The following TRMT11 variants were observed in gnomAD, a reference collection of about 807,000 sequenced individuals.
The protein encoded by TRMT11 is tRNA methyltransferase 11, also known as tRNA (guanine(10)-N(2))-methyltransferase TRMT11.
A neutral mutation model predicts 62.8 loss-of-function variants in TRMT11; 53 were observed. The ratio of observed to expected loss-of-function variants is 0.84; its 90% confidence interval spans 0.68 to 1.06. The LOEUF (loss-of-function observed/expected upper bound fraction) is 1.06, where lower values mean the gene tolerates loss of function less well. Among genes scored for constraint, TRMT11 ranks in the 50% least tolerant of loss-of-function variants. The pLI is 0.00. For synonymous variants in TRMT11, 188 were observed against 190.3 expected, an observed-to-expected ratio of 0.99 and a Z score of 0.10; for missense variants, 556 against 553.4, an observed-to-expected ratio of 1.00 and a Z score of -0.05.
intron 17 of TRMT11, among the ~76,000 whole-genome samples, chr6:126,103,110 G>A (rs932985419): frequency 2.0e-5 from 3 of 152,140 alleles, no homozygotes; most frequent in Non-Finnish European, 2.9e-5. Context: ...GACTTCCATC[G>A]TAAACTCTTC....
chr6:126,112,904 A>G (rs561263642), exon 18 of TRMT11, among the ~76,000 whole-genome samples: 2 of 152,008 alleles, frequency 1.3e-5, no homozygotes, highest in Non-Finnish European at 2.9e-5. Flanking sequence ...GTTTATCCCA[A>G]TGTCTTCTGG....
rs933507254 is a variant in TRMT11, at chr6:125,998,689, G to A, written c.522+5G>A. The stretch of plus-strand genomic sequence containing the variant: ...AATATTTATTTTGGTAGATGGGTGA[G>A]CAAGTTTTCTTTCTACCTATGTCAG... On this transcript the variant is annotated splice_donor_5th_base_variant and intron_variant, in intron 6 of 12. Coordinates refer to ENST00000334379, the MANE Select transcript of TRMT11 (RefSeq NM_001031712.3). The A allele has an allele frequency of 1.1e-5, 17 of 1,608,792 alleles. No individual in the cohort carries two copies. In the East Asian group the frequency reaches 3.8e-4, roughly 36 times the overall value.
intron 11 of TRMT11, among the ~76,000 whole-genome samples, chr6:126,020,520 C>A (rs945750742): frequency 6.6e-6 from 1 of 152,212 alleles, no homozygotes; most frequent in African/African-American, 2.4e-5. Flanking sequence ...CAGTAGCAGT[C>A]TCCACCACTC....
chr6:126,208,933 A>T, the TRMT11 span, among the ~76,000 whole-genome samples: 7 of 152,372 alleles, frequency 4.6e-5, no homozygotes, highest in East Asian at 1.3e-3. Context: ...AAGTGTTTGA[A>T]CAGAAATGGA....
intron 17 of TRMT11, among the ~76,000 whole-genome samples, chr6:126,100,469 C>A (rs1205473341): frequency 6.6e-6 from 1 of 152,162 alleles, no homozygotes; most frequent in East Asian, 1.9e-4. Flanking sequence ...AGGAGTCTTT[C>A]TTGTTGCATG....
At chr6:126,049,309 A>G (rs540528121) in intron 16 of TRMT11, among the ~76,000 whole-genome samples, 98 of 152,352 alleles carry the variant, frequency 6.4e-4, no homozygotes, top group Non-Finnish European at 1.3e-3. Flanking sequence ...TTCCAAAACC[A>G]GCACCTGAGA....
intron 1 of TRMT11, among the ~76,000 whole-genome samples, chr6:126,187,601 A>C (rs1778541477): frequency 6.6e-6 from 1 of 152,034 alleles, no homozygotes; most frequent in Non-Finnish European, 1.5e-5. Context: ...AAATTCTAAA[A>C]CTTCTGAAGA....
chr6:126,058,483 G>T (rs1206115632), intron 17 of TRMT11, among the ~76,000 whole-genome samples: 2 of 152,110 alleles, frequency 1.3e-5, no homozygotes, highest in Admixed American at 6.6e-5. Context: ...TAATGGGATG[G>T]CTGGGTCAAA....
At chr6:126,217,554 A>G in the TRMT11 span, among the ~76,000 whole-genome samples, 1 of 152,176 alleles carries the variant, frequency 6.6e-6, no homozygotes, top group Non-Finnish European at 1.5e-5. Context: ...ATTACCAGGC[A>G]GAAACTCTTG....
chr6:125,998,538 T>C lies in TRMT11; in HGVS notation c.388-12T>C, dbSNP rs1253127213. ...TATTATAAGACATCAGCATTTCTTT[T>C]GTTTCTTTTAGGCACTTGAATTTCT... On this transcript the variant is annotated splice_polypyrimidine_tract_variant and intron_variant, in intron 5 of 12. Coordinates refer to ENST00000334379, the MANE Select transcript of TRMT11 (RefSeq NM_001031712.3). 1 of 1,605,726 alleles carries C rather than the reference T, an allele frequency of 6.2e-7. No individual in the cohort carries two copies. The highest frequency in any genetic ancestry group is 1.3e-5 in the African/African-American group (1 of 74,140).
chr6:125,986,749 C>A, intron 1 of TRMT11, 127 bp downstream of exon 1: 1 of 873,054 alleles, frequency 1.1e-6, no homozygotes, highest in Non-Finnish European at 1.7e-6. Flanking sequence ...CTGCGCGGGT[C>A]ACGCGTCCCC....
chr6:126,001,626 C>T (rs550008779), intron 7 of TRMT11, among the ~76,000 whole-genome samples: 1 of 151,712 alleles, frequency 6.6e-6, no homozygotes, highest in Non-Finnish European at 1.5e-5. Context: ...TATTTTTTTT[C>T]TTGCTATTAA....
At chr6:126,194,315 A>G (rs1480563264) in intron 1 of TRMT11, among the ~76,000 whole-genome samples, 4 of 152,030 alleles carry the variant, frequency 2.6e-5, no homozygotes, top group Non-Finnish European at 5.9e-5. Flanking sequence ...TATGTGCTTT[A>G]TATGTTTGAG....
intron 21 of TRMT11, among the ~76,000 whole-genome samples, chr6:126,147,821 A>T (rs1007501334): frequency 1.9e-4 from 28 of 147,484 alleles, no homozygotes; most frequent in African/African-American, 6.9e-4. Flanking sequence ...GAAGGCATTT[A>T]AAAAAAAAAG....
intron 17 of TRMT11, among the ~76,000 whole-genome samples, chr6:126,111,269 C>G (rs1209712086): frequency 6.6e-6 from 1 of 152,032 alleles, no homozygotes; most frequent in South Asian, 2.1e-4. Context: ...ACCAATGCAA[C>G]AAATAATCAA....
At chr6:126,078,807 T>C (rs1212092820) in intron 17 of TRMT11, among the ~76,000 whole-genome samples, 1 of 152,186 alleles carries the variant, frequency 6.6e-6, no homozygotes, top group Non-Finnish European at 1.5e-5. Flanking sequence ...CAGTGTATGA[T>C]GGCCACGTCA....
chr6:126,035,463 G>A (rs570113449), intron 12 of TRMT11, among the ~76,000 whole-genome samples: 12 of 152,034 alleles, frequency 7.9e-5, no homozygotes, highest in Non-Finnish European at 1.5e-4. Flanking sequence ...TCTAGAAAGG[G>A]GACATTTTAG....
In TRMT11 at chr6:125,998,245, C is replaced by G; in HGVS notation, c.317C>G (p.Ser106Cys). Residue 106 changes from serine (S) to cysteine (C), a missense_variant, in exon 5 of 13, where the codon TCT (serine) becomes TGT (cysteine). Ser to Cys is a moderately radical substitution (Grantham distance 112, BLOSUM62 -1). Transcript: ENST00000334379. Reference sequence around the variant, plus strand: ...TAGGTTCCATTTCTACATTCGGACTCTACATATAAAATAAAGATTCACACT... The same window carrying G: ...TAGGTTCCATTTCTACATTCGGACTGTACATATAAAATAAAGATTCACACT... ...EKMVPFLHSD[S>C]TYKIKIHTFN... The G allele has an allele frequency of 6.2e-7, 1 of 1,601,158 alleles. No homozygotes were observed.
At chr6:126,227,947 C>G in the TRMT11 span, among the ~76,000 whole-genome samples, 1 of 152,196 alleles carries the variant, frequency 6.6e-6, no homozygotes, top group African/African-American at 2.4e-5. Context: ...AACATGAGAG[C>G]AGGGCAGGGG....
Sources: allele counts gnomAD v4.1 joint callset (sites outside exome capture counted in the v4.1 genomes callset), GRCh38; gene constraint gnomAD v4.1.1; transcripts MANE v1.5; gene names NCBI Gene and HGNC (gene_info 2026-07-23, HGNC 2026-07-21).